SUGCT: variants seen among roughly 807,000 people sequenced by gnomAD.
SUGCT encodes the protein succinyl-CoA:glutarate CoA-transferase.
A neutral mutation model predicts 55.0 loss-of-function variants in SUGCT; 41 were observed. That is an observed-to-expected ratio of 0.74 (90% CI 0.58 to 0.97). The LOEUF (loss-of-function observed/expected upper bound fraction) is 0.97. SUGCT is among the 50% of genes least tolerant of loss of function. SUGCT has a pLI of 0.00. For synonymous variants in SUGCT, 187 were observed against 200.4 expected, an observed-to-expected ratio of 0.93 and a Z score of 0.56; for missense variants, 568 against 547.8, an observed-to-expected ratio of 1.04 and a Z score of -0.37.
intron 7 of SUGCT, among the ~76,000 whole-genome samples, chr7:40,264,235 A>T (rs948078350): frequency 2.0e-5 from 3 of 152,084 alleles, no homozygotes; most frequent in African/African-American, 7.2e-5. Context: ...AAATGGTGTG[A>T]TTTAGACTGG....
intron 12 of SUGCT, among the ~76,000 whole-genome samples, chr7:40,533,108 T>C (rs1287683189): frequency 6.6e-6 from 1 of 152,180 alleles, no homozygotes; most frequent in Non-Finnish European, 1.5e-5. Context: ...AGCCATGAAA[T>C]ACAAGTAGCA....
At chr7:40,933,959 A>C in the SUGCT span, among the ~76,000 whole-genome samples, 1 of 152,172 alleles carries the variant, frequency 6.6e-6, no homozygotes, top group Non-Finnish European at 1.5e-5. Context: ...GTCATTCTTC[A>C]TCCAGCTTTG....
chr7:40,606,598 T>G (rs1584113535), intron 12 of SUGCT, among the ~76,000 whole-genome samples: 1 of 152,224 alleles, frequency 6.6e-6, no homozygotes, highest in Admixed American at 6.5e-5. Context: ...CATTAAACAT[T>G]GTTGAGGATT....
At chr7:40,269,381 G>A (rs1412367302) in intron 7 of SUGCT, among the ~76,000 whole-genome samples, 2 of 151,872 alleles carry the variant, frequency 1.3e-5, no homozygotes, top group East Asian at 1.9e-4. Flanking sequence ...AGAGTGCAGT[G>A]GTGGAATCTC....
the SUGCT span, among the ~76,000 whole-genome samples, chr7:40,950,384 C>G: frequency 3.3e-5 from 5 of 152,178 alleles, no homozygotes; most frequent in Non-Finnish European, 1.5e-5. Flanking sequence ...TCTAGATATA[C>G]AACCATGTCA....
chr7:40,886,979 C>T, the SUGCT span, among the ~76,000 whole-genome samples: 1 of 152,178 alleles, frequency 6.6e-6, no homozygotes, highest in South Asian at 2.1e-4. Flanking sequence ...GGATCTCCTA[C>T]TTCCGTTTCC....
intron 13 of SUGCT, among the ~76,000 whole-genome samples, chr7:40,758,976 C>A (rs1788400079): frequency 6.6e-6 from 1 of 151,964 alleles, no homozygotes; most frequent in South Asian, 2.1e-4. Flanking sequence ...AAGCAAAAAC[C>A]AAATTTTAAT....
chr7:40,455,324 A>C (rs1789422822), intron 10 of SUGCT, among the ~76,000 whole-genome samples: 1 of 152,182 alleles, frequency 6.6e-6, no homozygotes, highest in Non-Finnish European at 1.5e-5. Flanking sequence ...AAAAAGAATA[A>C]ACTGATCTAA....
chr7:40,164,598 G>T (rs1784336034), intron 1 of SUGCT, among the ~76,000 whole-genome samples: 1 of 151,894 alleles, frequency 6.6e-6, no homozygotes, highest in African/African-American at 2.4e-5. Flanking sequence ...TTTTTATTAT[G>T]CATAAACATT....
chr7:40,153,479 G>A (rs571473179), intron 1 of SUGCT: 27 of 357,494 alleles, frequency 7.6e-5, no homozygotes, highest in South Asian at 6.1e-4. Context: ...TGACTAAAGC[G>A]AGTCTCCACT....
intron 9 of SUGCT, among the ~76,000 whole-genome samples, chr7:40,376,856 C>T (rs1784573170): frequency 6.6e-6 from 1 of 151,186 alleles, no homozygotes; most frequent in South Asian, 2.1e-4. Flanking sequence ...GCTACAAATT[C>T]TTAGTTTTCA....
At chr7:40,793,361 G>C (rs1790405538) in intron 13 of SUGCT, 2 of 152,026 alleles carry the variant, frequency 1.3e-5, no homozygotes. Flanking sequence ...CATTTCATTG[G>C]TCAGCTTCTG....
At chr7:40,953,903 A>G in the SUGCT span, among the ~76,000 whole-genome samples, 1 of 152,134 alleles carries the variant, frequency 6.6e-6, no homozygotes, top group Non-Finnish European at 1.5e-5. Flanking sequence ...GGGGTCAGGG[A>G]CCCACTTGAG....
the SUGCT span, among the ~76,000 whole-genome samples, chr7:40,952,317 C>T: frequency 0.33 from 50,566 of 151,840 alleles, 9,140 homozygotes; most frequent in Admixed American, 0.45. Flanking sequence ...TAGATCTTCC[C>T]CCATCCCTTT....
the SUGCT span, among the ~76,000 whole-genome samples, chr7:40,959,287 G>T: frequency 6.6e-6 from 1 of 152,214 alleles, no homozygotes; most frequent in South Asian, 2.1e-4. Context: ...TCTCCCAAGT[G>T]CTCTGTCCCA....
the SUGCT span, among the ~76,000 whole-genome samples, chr7:40,974,949 A>G: frequency 6.6e-6 from 1 of 152,204 alleles, no homozygotes; most frequent in Admixed American, 6.5e-5. Flanking sequence ...CAAGATCTGT[A>G]TTAAAGCTCT....
the SUGCT span, among the ~76,000 whole-genome samples, chr7:40,960,788 A>T: frequency 2.6e-5 from 4 of 152,150 alleles, no homozygotes; most frequent in African/African-American, 7.2e-5. Context: ...CATCTCATTT[A>T]TGTTTCCTTT....
At chr7:40,145,509 C>G in intron 1 of SUGCT, among the ~76,000 whole-genome samples, 1 of 145,022 alleles carries the variant, frequency 6.9e-6, no homozygotes, top group South Asian at 2.2e-4. Flanking sequence ...CTCCTCCCCA[C>G]TTTTTTTTTT....
chr7:41,008,217 C>G, the SUGCT span, among the ~76,000 whole-genome samples: 3 of 152,220 alleles, frequency 2.0e-5, no homozygotes, highest in African/African-American at 7.2e-5. Context: ...TGTTCTGATT[C>G]TTCCTGGTTC....
Sources: gnomAD v4.1 joint callset for allele counts (sites outside exome capture counted in the v4.1 genomes callset) on GRCh38, gnomAD v4.1.1 for gene constraint, MANE v1.5 for transcripts, NCBI Gene and HGNC (gene_info 2026-07-23, HGNC 2026-07-21) for gene names.